The following KCNE1 variants were observed in gnomAD, a reference collection of about 807,000 sequenced individuals.
The protein encoded by KCNE1 is potassium voltage-gated channel subfamily E regulatory subunit 1, also known as potassium voltage-gated channel subfamily E member 1.
A neutral mutation model predicts 2.9 loss-of-function variants in KCNE1; 1 was observed. That is an observed-to-expected ratio of 0.34 (90% CI 0.12 to 1.62). The LOEUF is 1.62. Among genes scored for constraint, KCNE1 ranks in the 40% most tolerant of loss-of-function variants. The pLI is 0.36. For missense variants in KCNE1, 45 were observed against 150.5 expected, an observed-to-expected ratio of 0.30 and a Z score of 3.67; for synonymous variants, 23 against 65.4, an observed-to-expected ratio of 0.35 and a Z score of 3.13.
At chr21:34,504,368 A>G (rs1983350158) in intron 2 of KCNE1, among the ~76,000 whole-genome samples, 1 of 152,220 alleles carries the variant, frequency 6.6e-6, no homozygotes, top group Admixed American at 6.5e-5. Flanking sequence ...CCAAACCCCA[A>G]TAAGAAACCA....
At chr21:34,506,459 G>T (rs1289080489) in intron 2 of KCNE1, among the ~76,000 whole-genome samples, 2 of 152,058 alleles carry the variant, frequency 1.3e-5, no homozygotes, top group African/African-American at 2.4e-5. Flanking sequence ...ACATTACATT[G>T]TCTCCACCAA....
At position 34,496,630 on chromosome 21, in the gene KCNE1, T is replaced by C. The variant is rs112431854; in HGVS notation, c.-162+14471A>G. Among the ~76,000 whole-genome samples the C allele has an allele frequency of 7.9e-3, 1,197 of 152,356 alleles. 20 individuals are homozygous for C. The highest frequency in any genetic ancestry group is 0.027 in the African/African-American group (1,130 of 41,572). ...CATGTGCTGACGAAAAGAATGTTTA[T>C]TCTGCAGTTGTTGAGTAGAATGTTC... On this transcript the variant is annotated intron_variant, in intron 2 of 3. Transcript: ENST00000399286.
intron 2 of KCNE1, among the ~76,000 whole-genome samples, chr21:34,503,800 C>T (rs566033944): frequency 6.6e-6 from 1 of 152,312 alleles, no homozygotes; most frequent in East Asian, 1.9e-4. Flanking sequence ...ACCTGTTTTA[C>T]TCTAAACAAA....
intron 2 of KCNE1, among the ~76,000 whole-genome samples, chr21:34,501,276 T>C (rs1444294682): frequency 6.6e-6 from 1 of 152,188 alleles, no homozygotes; most frequent in Non-Finnish European, 1.5e-5. Context: ...TATAGTAAGT[T>C]ACTGCTCAAA....
intron 2 of KCNE1, among the ~76,000 whole-genome samples, chr21:34,508,552 A>G (rs1983643778): frequency 6.6e-6 from 1 of 152,182 alleles, no homozygotes; most frequent in Non-Finnish European, 1.5e-5. Flanking sequence ...CACATTGGCC[A>G]GGCTGGTCTT....
chr21:34,501,871 A>C (rs1983189426), intron 2 of KCNE1, among the ~76,000 whole-genome samples: 1 of 152,196 alleles, frequency 6.6e-6, no homozygotes, highest in African/African-American at 2.4e-5. Context: ...ATCTCCAGTC[A>C]AGGTGCACCT....
intron 2 of KCNE1, among the ~76,000 whole-genome samples, chr21:34,508,649 T>A (rs1983650276): frequency 6.6e-6 from 1 of 152,192 alleles, no homozygotes; most frequent in Admixed American, 6.5e-5. Flanking sequence ...AGACTGGGGT[T>A]TTTTAATTTT....
chr21:34,502,453 A>G (rs1432964868), intron 2 of KCNE1, among the ~76,000 whole-genome samples: 1 of 152,232 alleles, frequency 6.6e-6, no homozygotes, highest in African/African-American at 2.4e-5. Context: ...TCTGACACCA[A>G]TCAGGAATAA....
At chr21:34,498,818 A>G (rs914814976) in intron 2 of KCNE1, among the ~76,000 whole-genome samples, 1 of 152,204 alleles carries the variant, frequency 6.6e-6, no homozygotes, top group Admixed American at 6.5e-5. Flanking sequence ...TAATGTCCTG[A>G]GCTGCTTGGC....
chr21:34,504,237 T>G (rs1470723144), intron 2 of KCNE1, among the ~76,000 whole-genome samples: 1 of 151,728 alleles, frequency 6.6e-6, no homozygotes, highest in Non-Finnish European at 1.5e-5. Context: ...GGAAGAGGAG[T>G]TGGGAGAGTG....
In KCNE1 at chr21:34,511,159, G is replaced by A; in HGVS notation, c.-220C>T. 2.0e-6 allele frequency: 2 copies of A among 985,686 alleles called. No homozygotes were observed. The highest frequency in any genetic ancestry group is 2.4e-6 in the Non-Finnish European group (2 of 830,142). 61.1% of individuals were successfully genotyped at this position (985,686 alleles called of 1,614,324 possible). On this transcript the variant is annotated 5_prime_UTR_variant, in exon 2 of 4. Coordinates refer to ENST00000399286, the MANE Select transcript of KCNE1 (RefSeq NM_000219.6). ...TGCGGTGTCCACACCATTGGCAGCA[G>A]GCTCCTTCTCTTCAGGTGGTCTTAG...
At chr21:34,496,004 A>T (rs1462941928) in intron 2 of KCNE1, among the ~76,000 whole-genome samples, 5 of 151,888 alleles carry the variant, frequency 3.3e-5, no homozygotes, top group Admixed American at 2.0e-4. Context: ...AGACATTTTC[A>T]TGTAGGCATT....
chr21:34,510,441 G>A (rs143093810), intron 2 of KCNE1: 65 of 152,522 alleles, frequency 4.3e-4, no homozygotes, highest in Non-Finnish European at 7.6e-4. Flanking sequence ...CCTTCTCGAT[G>A]TGCCCAGACA....
chr21:34,497,277 T>G (rs1165328474), intron 2 of KCNE1, among the ~76,000 whole-genome samples: 1 of 152,192 alleles, frequency 6.6e-6, no homozygotes, highest in Non-Finnish European at 1.5e-5. Context: ...TTATAGGCCC[T>G]GTGAGATTTA....
intron 2 of KCNE1, among the ~76,000 whole-genome samples, chr21:34,503,062 C>A (rs531996340): frequency 2.6e-5 from 4 of 152,256 alleles, no homozygotes; most frequent in South Asian, 4.1e-4. Flanking sequence ...TGCTAACTAC[C>A]CAAAGATGTC....
chr21:34,511,049 G>C, intron 2 of KCNE1, 52 bp downstream of exon 2: 1 of 683,690 alleles, frequency 1.5e-6, no homozygotes, highest in Non-Finnish European at 1.8e-6. Flanking sequence ...ATGAGGGTGG[G>C]AGCAGAGGGT....
chr21:34,496,644 A>C (rs1355674448), intron 2 of KCNE1, among the ~76,000 whole-genome samples: 1 of 152,158 alleles, frequency 6.6e-6, no homozygotes, highest in Admixed American at 6.6e-5. Flanking sequence ...GCAGTTGTTG[A>C]GTAGAATGTT....
intron 2 of KCNE1, among the ~76,000 whole-genome samples, chr21:34,507,022 C>T (rs551666442): frequency 7.2e-5 from 11 of 152,162 alleles, no homozygotes; most frequent in Non-Finnish European, 1.0e-4. Context: ...GCAGTCTTCA[C>T]GGGAGGTGAG....
intron 1 of KCNE1, among the ~76,000 whole-genome samples, chr21:34,511,779 G>A (rs1178137712): frequency 1.3e-5 from 2 of 152,210 alleles, no homozygotes; most frequent in African/African-American, 4.8e-5. Flanking sequence ...GGTGGGGCAT[G>A]ATGGGGCTCT....
Sources: allele counts gnomAD v4.1 joint callset (sites outside exome capture counted in the v4.1 genomes callset), GRCh38; gene constraint gnomAD v4.1.1; transcripts MANE v1.5; gene names NCBI Gene and HGNC (gene_info 2026-07-23, HGNC 2026-07-21).